The following CDKAL1 variants were observed in gnomAD, a reference collection of about 807,000 sequenced individuals.
CDKAL1 encodes CDKAL1 threonylcarbamoyladenosine tRNA methylthiotransferase, also known as threonylcarbamoyladenosine tRNA methylthiotransferase.
A neutral mutation model predicts 68.2 loss-of-function variants in CDKAL1; 32 were observed. That is an observed-to-expected ratio of 0.47 (90% CI 0.35 to 0.63). The LOEUF (loss-of-function observed/expected upper bound fraction) is 0.63. CDKAL1 is among the 30% of genes least tolerant of loss of function. The pLI, the probability that CDKAL1 is intolerant of heterozygous loss-of-function variation, is 0.00. For synonymous variants in CDKAL1, 234 were observed against 244.3 expected, an observed-to-expected ratio of 0.96 and a Z score of 0.39; for missense variants, 606 against 696.7, an observed-to-expected ratio of 0.87 and a Z score of 1.47.
At chr6:21,014,361 T>TG (rs1768187620) in intron 11 of CDKAL1, among the ~76,000 whole-genome samples, 1 of 152,170 alleles carries the variant, frequency 6.6e-6, no homozygotes, top group Non-Finnish European at 1.5e-5. Flanking sequence ...CCCAGCACTT[T>TG]GGGAGGCCAA....
Position 20,955,432 on chromosome 6 carries a change from G to A in CDKAL1, c.756G>A (p.Glu252=), listed in dbSNP as rs1400148452. 1.2e-6 allele frequency: 2 copies of A among 1,614,144 alleles called. No individual in the cohort carries two copies. The highest frequency in any genetic ancestry group is 2.2e-5 in the South Asian group (2 of 91,078). The change falls in exon 10 of 16, where the codon GAG becomes GAA. Residue 252 remains glutamate (E), a synonymous_variant. Coordinates refer to ENST00000274695, the MANE Select transcript of CDKAL1 (RefSeq NM_017774.3). ...AKQSFQEGVC[E]IWLTSEDTGA... is the part of the protein sequence containing the mutation. ...TTTGATTCACAGAGGGTGTTTGTGA[G>A]ATATGGTTGACCAGTGAAGACACGG... is the stretch of plus-strand genomic sequence containing the variant.
chr6:20,878,017 C>T (rs1236393184), intron 9 of CDKAL1, among the ~76,000 whole-genome samples: 1 of 152,192 alleles, frequency 6.6e-6, no homozygotes, highest in Non-Finnish European at 1.5e-5. Flanking sequence ...AGGATGAGCT[C>T]AAAATTACCA....
chr6:20,940,966 T>C (rs563649482), intron 9 of CDKAL1, among the ~76,000 whole-genome samples: 1 of 152,028 alleles, frequency 6.6e-6, no homozygotes, highest in Admixed American at 6.5e-5. Context: ...GGTGGGCGCC[T>C]GTAGTCCCAG....
intron 9 of CDKAL1, among the ~76,000 whole-genome samples, chr6:20,890,336 A>G (rs1365197329): frequency 6.6e-6 from 1 of 152,230 alleles, no homozygotes; most frequent in Non-Finnish European, 1.5e-5. Context: ...AGTGGTGCTT[A>G]TGGAGTTTTC....
intron 4 of CDKAL1, among the ~76,000 whole-genome samples, chr6:20,598,863 A>G (rs1289743293): frequency 1.3e-5 from 2 of 152,272 alleles, no homozygotes; most frequent in African/African-American, 4.8e-5. Flanking sequence ...TTATTTTATT[A>G]TGAAATTTTA....
intron 15 of CDKAL1, among the ~76,000 whole-genome samples, chr6:21,212,316 A>C (rs1307639678): frequency 6.6e-6 from 1 of 152,170 alleles, no homozygotes; most frequent in Non-Finnish European, 1.5e-5. Context: ...TGAGGACATT[A>C]ATATATTCTT....
chr6:20,655,219 A>G (rs1027433502), intron 5 of CDKAL1, among the ~76,000 whole-genome samples: 1 of 152,150 alleles, frequency 6.6e-6, no homozygotes, highest in Middle Eastern at 3.2e-3. Flanking sequence ...AACTTTAAAA[A>G]TTTTTTGTTT....
At chr6:20,957,968 C>CAAAAAAA (rs60301451) in intron 10 of CDKAL1, among the ~76,000 whole-genome samples, 1 of 67,436 alleles carries the variant, frequency 1.5e-5, no homozygotes, top group Admixed American at 1.6e-4. Context: ...AAGATTATCT[C>CAAAAAAA]AAAAAAAAAA....
chr6:21,127,623 G>A (rs1207260550), intron 13 of CDKAL1, among the ~76,000 whole-genome samples: 1 of 152,044 alleles, frequency 6.6e-6, no homozygotes, highest in African/African-American at 2.4e-5. Flanking sequence ...CCTGGTGGGT[G>A]CCTGTAATCC....
rs1764737485 is a variant in CDKAL1 at position 20,955,565 on chromosome 6, T to C, written c.889T>C (p.Tyr297His). Residue 297 changes from tyrosine to histidine, a missense_variant, in exon 10 of 16, where the codon TAT becomes CAT. Tyr to His is a moderately conservative substitution (Grantham distance 83, BLOSUM62 2). Coordinates refer to ENST00000274695, the MANE Select transcript of CDKAL1 (RefSeq NM_017774.3). ...MLRLGMTNPP[Y>H]ILEHLEEMAK... ...GAGGCTTGGCATGACAAATCCGCCC[T>C]ATATTTTAGAGCATCTGGAGGTAAG... is the stretch of plus-strand genomic sequence containing the variant. The C allele has an allele frequency of 6.2e-7, 1 of 1,614,018 alleles. No homozygotes were observed. Among genetic ancestry groups the C allele is most frequent in the African/African-American group, 1.3e-5 (1 of 74,930 alleles).
intron 5 of CDKAL1, among the ~76,000 whole-genome samples, chr6:20,710,539 CATT>C (rs1487229868): frequency 3.3e-5 from 5 of 152,264 alleles, no homozygotes; most frequent in South Asian, 2.1e-4. Flanking sequence ...GTATCCGCAT[CATT>C]AAGTGACGAA....
At chr6:20,555,321 T>C (rs1763990781) in intron 4 of CDKAL1, among the ~76,000 whole-genome samples, 1 of 152,134 alleles carries the variant, frequency 6.6e-6, no homozygotes. Context: ...TTATTTTTAT[T>C]TATTTTTATT....
At chr6:20,860,933 ATTTTT>A (rs70990075) in intron 9 of CDKAL1, among the ~76,000 whole-genome samples, 1 of 134,226 alleles carries the variant, frequency 7.5e-6, no homozygotes, top group Non-Finnish European at 1.6e-5. Flanking sequence ...AGTGTGGTCT[ATTTTT>A]TTTTTTTTTT....
chr6:20,555,551 C>T (rs1385183810), intron 4 of CDKAL1, among the ~76,000 whole-genome samples: 1 of 150,888 alleles, frequency 6.6e-6, no homozygotes, highest in African/African-American at 2.4e-5. Context: ...AAACTCCTTA[C>T]CTAGTGATCT....
chr6:20,725,330 C>G (rs1772592221), intron 5 of CDKAL1, among the ~76,000 whole-genome samples: 1 of 151,976 alleles, frequency 6.6e-6, no homozygotes, highest in Non-Finnish European at 1.5e-5. Flanking sequence ...TTTGTTAATC[C>G]CTTTAAGAAT....
chr6:20,826,646 A>C (rs1777514974), intron 8 of CDKAL1, among the ~76,000 whole-genome samples: 1 of 152,146 alleles, frequency 6.6e-6, no homozygotes, highest in Admixed American at 6.6e-5. Flanking sequence ...AGTCATACTA[A>C]TCACGAACTC....
At chr6:20,609,262 T>TCCTCCTTC (rs1554162604) in intron 4 of CDKAL1, among the ~76,000 whole-genome samples, 44 of 24,842 alleles carry the variant, frequency 1.8e-3, no homozygotes, top group Middle Eastern at 0.025. Context: ...TCCTCCTTCC[T>TCCTCCTTC]TCCTCCTCCT....
intron 9 of CDKAL1, among the ~76,000 whole-genome samples, chr6:20,904,163 C>A (rs1762131977): frequency 6.6e-6 from 1 of 152,168 alleles, no homozygotes; most frequent in Non-Finnish European, 1.5e-5. Context: ...AAGTGGTGGG[C>A]AACCATTGTT....
At chr6:21,116,757 A>G (rs1021647469) in intron 13 of CDKAL1, among the ~76,000 whole-genome samples, 3 of 152,230 alleles carry the variant, frequency 2.0e-5, no homozygotes, top group Non-Finnish European at 2.9e-5. Context: ...GCTAACATTC[A>G]GTATAAAAGT....
Sources: allele counts gnomAD v4.1 joint callset (sites outside exome capture counted in the v4.1 genomes callset), GRCh38; gene constraint gnomAD v4.1.1; transcripts MANE v1.5; gene names NCBI Gene and HGNC (gene_info 2026-07-23, HGNC 2026-07-21).